The following MTARC1 variants were observed in gnomAD, a reference collection of about 807,000 sequenced individuals.
MTARC1 encodes mitochondrial amidoxime reducing component 1.
Under a neutral mutation model 33.6 loss-of-function variants are expected in MTARC1, and 24 were observed. The observed-to-expected ratio is 0.72, with a 90% CI of 0.52 to 1.01. MTARC1 has a LOEUF of 1.01. MTARC1 is among the 50% of genes least tolerant of loss of function. The pLI is 0.00. For missense variants in MTARC1, 417 were observed against 445.7 expected, an observed-to-expected ratio of 0.94 and a Z score of 0.58; for synonymous variants, 187 against 189.5, an observed-to-expected ratio of 0.99 and a Z score of 0.11.
At chr1:220,797,694 T>C in intron 3 of MTARC1, 180 bp from the exon 4 acceptor site, 1 of 612,222 alleles carries the variant, frequency 1.6e-6, no homozygotes, top group South Asian at 2.1e-5. Context: ...TTCTGCTATC[T>C]GCAAGGCTAT....
chr1:220,798,618 A>G (rs1242641026), intron 4 of MTARC1: 1 of 969,286 alleles, frequency 1.0e-6, no homozygotes, highest in Non-Finnish European at 1.2e-6. Context: ...GCCTTTGGCT[A>G]TTTAACTTGA....
At chr1:220,800,261 C>T (rs1176524422) in intron 4 of MTARC1, among the ~76,000 whole-genome samples, 1 of 152,194 alleles carries the variant, frequency 6.6e-6, no homozygotes, top group East Asian at 1.9e-4. Flanking sequence ...TGGGCGGTAA[C>T]ACAATGGTGG....
At chr1:220,800,711 G>A (rs1229307896) in intron 4 of MTARC1, among the ~76,000 whole-genome samples, 3 of 151,968 alleles carry the variant, frequency 2.0e-5, no homozygotes, top group Admixed American at 6.5e-5. Context: ...CTAATCCAAC[G>A]TCAGGATGTC....
chr1:220,790,377 G>A (rs1036660489), intron 1 of MTARC1, among the ~76,000 whole-genome samples: 1 of 152,158 alleles, frequency 6.6e-6, no homozygotes, highest in Non-Finnish European at 1.5e-5. Context: ...AGGAACCATG[G>A]AGGGATTTTG....
intron 1 of MTARC1, among the ~76,000 whole-genome samples, chr1:220,790,654 C>T (rs1312721362): frequency 1.3e-5 from 2 of 152,140 alleles, no homozygotes; most frequent in African/African-American, 4.8e-5. Context: ...AAAGTACCGG[C>T]CATATTTTTT....
chr1:220,793,885 A>T (rs943195615), intron 2 of MTARC1: 2 of 152,338 alleles, frequency 1.3e-5, no homozygotes, highest in Middle Eastern at 3.4e-3. Context: ...GCAGAGGCCA[A>T]TCAGAACTCA....
intron 4 of MTARC1, among the ~76,000 whole-genome samples, chr1:220,802,284 T>G (rs932334562): frequency 6.6e-6 from 1 of 152,120 alleles, no homozygotes; most frequent in Non-Finnish European, 1.5e-5. Flanking sequence ...CTCAGACTTA[T>G]GTGCTCCCAC....
intron 1 of MTARC1, 143 bp downstream of exon 1, chr1:220,787,362 G>A (rs1322784201): frequency 6.0e-6 from 8 of 1,334,338 alleles, no homozygotes. Flanking sequence ...GGTGAGACAA[G>A]GCCAAAGAGA....
In MTARC1 at chr1:220,813,450, C is replaced by T. The variant is rs1434533643; in HGVS notation, c.*32C>T. 1.9e-6 allele frequency: 3 copies of T among 1,608,182 alleles called. 1 individual carries two copies. The Middle Eastern group carries it at 5.0e-4, about 267-fold the overall frequency. ...CCGTATGTCCTGGAATATTAGATGC[C>T]TTTTAAAAATGTTCTCAAAAATGAC... On this transcript the variant is annotated 3_prime_UTR_variant, in exon 7 of 7. Coordinates refer to ENST00000366910, the MANE Select transcript of MTARC1 (RefSeq NM_022746.4).
At chr1:220,794,419 A>ACG in intron 2 of MTARC1, 1 of 152,038 alleles carries the variant, frequency 6.6e-6, no homozygotes, top group East Asian at 1.9e-4. Flanking sequence ...CTGCACACAC[A>ACG]CACACACAGA....
rs1388251090 is a variant in MTARC1, at chr1:220,818,060, T to C, written c.*4642T>C. On this transcript the variant is annotated 3_prime_UTR_variant, in exon 7 of 7. Transcript: ENST00000366910. ...GCTTCAACCACTTTCTCTGAATGGA[T>C]GAATGAGTTATGATGATATCTAAAG... The C allele has an allele frequency of 6.6e-6, 1 of 152,184 alleles. No individual in the cohort carries two copies. The highest frequency in any genetic ancestry group is 1.5e-5 in the Non-Finnish European group (1 of 68,054). 9.4% of individuals were successfully genotyped at this position (152,184 alleles called of 1,614,324 possible).
In MTARC1 at chr1:220,799,195, A is replaced by G. The variant is rs56953379; in HGVS notation, c.753+1181A>G. On this transcript the variant is annotated intron_variant, in intron 4 of 6. Coordinates refer to ENST00000366910, the MANE Select transcript of MTARC1 (RefSeq NM_022746.4). ...TAAAAGTACGCCCAAATCCACTGCT[A>G]ATGCTTCATATAAAATACTCATTGC... The G allele has an allele frequency of 3.7e-4, 361 of 980,506 alleles. No homozygotes were observed. The African/African-American group carries it at 4.9e-3, about 13-fold the overall frequency. 60.7% of individuals were successfully genotyped at this position (980,506 alleles called of 1,614,324 possible).
At chr1:220,797,362 G>T (rs1672653183) in intron 3 of MTARC1, among the ~76,000 whole-genome samples, 1 of 152,136 alleles carries the variant, frequency 6.6e-6, no homozygotes, top group East Asian at 1.9e-4. Flanking sequence ...GAGAGTTGAG[G>T]CTGCAGTGAT....
intron 1 of MTARC1, chr1:220,791,155 T>A (rs1260541354): frequency 1.1e-5 from 2 of 183,650 alleles, no homozygotes; most frequent in African/African-American, 4.7e-5. Context: ...ATTCTTGTCA[T>A]CTGCTTGGGG....
intron 3 of MTARC1, 146 bp from the exon 4 acceptor site, chr1:220,797,728 C>T (rs897460747): frequency 1.3e-6 from 1 of 744,648 alleles, no homozygotes; most frequent in Non-Finnish European, 2.1e-6. Flanking sequence ...GTCACTGTGA[C>T]TTCTATTAAA....
intron 6 of MTARC1, among the ~76,000 whole-genome samples, chr1:220,812,045 G>C (rs551733991): frequency 6.6e-6 from 1 of 152,222 alleles, no homozygotes; most frequent in Non-Finnish European, 1.5e-5. Context: ...GGAATTACTC[G>C]TAGCTGGGGG....
At position 220,801,335 on chromosome 1, in the gene MTARC1, C is replaced by T. The variant is rs755341255; in HGVS notation, c.753+3321C>T. ...CCCCTGCTGCGGGCTTCACTGACCC[C>T]GCTCACCCAGCCCCCCCCACAGCAC... On this transcript the variant is annotated intron_variant, in intron 4 of 6. Transcript: ENST00000366910. 5.1e-4 allele frequency among the ~76,000 whole-genome samples: 76 copies of T among 149,006 alleles called. 2 individuals are homozygous for T. In the Middle Eastern group the frequency reaches 0.014, roughly 28 times the overall value.
At position 220,813,036 on chromosome 1, in the gene MTARC1, C is replaced by T. The variant is rs767782170; in HGVS notation, c.888-256C>T. Among the ~76,000 whole-genome samples, 21 of 152,098 alleles carry T rather than the reference C, an allele frequency of 1.4e-4. No individual in the cohort carries two copies. In the East Asian group the frequency reaches 3.1e-3, roughly 22 times the overall value. On this transcript the variant is annotated intron_variant, in intron 6 of 6. Coordinates refer to ENST00000366910, the MANE Select transcript of MTARC1 (RefSeq NM_022746.4). Reference sequence around the variant, plus strand: ...CCACCACACCTGGCCAAGTATCTAACGTCTTAATGCCGAAAGGGGGAACAT... The same window carrying T: ...CCACCACACCTGGCCAAGTATCTAATGTCTTAATGCCGAAAGGGGGAACAT...
intron 4 of MTARC1, among the ~76,000 whole-genome samples, chr1:220,801,927 T>C (rs1672821170): frequency 6.6e-6 from 1 of 151,990 alleles, no homozygotes; most frequent in Admixed American, 6.6e-5. Flanking sequence ...CCCACACACA[T>C]TTCTTACACC....
Sources: gnomAD v4.1 joint callset for allele counts (sites outside exome capture counted in the v4.1 genomes callset) on GRCh38, gnomAD v4.1.1 for gene constraint, MANE v1.5 for transcripts, NCBI Gene and HGNC (gene_info 2026-07-23, HGNC 2026-07-21) for gene names.